Variants in TSPEAR observed in about 807,000 individuals in gnomAD.
TSPEAR encodes thrombospondin type laminin G domain and EAR repeats, also known as thrombospondin-type laminin G domain and EAR repeat-containing protein.
In TSPEAR, 69 loss-of-function variants were observed where a neutral mutation model predicts 71.6. The observed-to-expected ratio is 0.96, with a 90% CI of 0.79 to 1.18. The LOEUF is 1.18. Ranked by LOEUF, TSPEAR falls within the 50% of genes most tolerant of loss-of-function variation. TSPEAR has a pLI of 0.00. For synonymous variants in TSPEAR, 402 were observed against 387.2 expected, an observed-to-expected ratio of 1.04 and a Z score of -0.45; for missense variants, 971 against 894.9, an observed-to-expected ratio of 1.09 and a Z score of -1.09.
intron 2 of TSPEAR, among the ~76,000 whole-genome samples, chr21:44,545,011 T>G (rs1287574221): frequency 6.6e-6 from 1 of 150,912 alleles, no homozygotes; most frequent in African/African-American, 2.5e-5. Flanking sequence ...CAATGAGCCA[T>G]TCTCTGTAAT....
intron 1 of TSPEAR, among the ~76,000 whole-genome samples, chr21:44,597,093 C>G (rs9989939): frequency 0.092 from 13,942 of 152,092 alleles, 1,850 homozygotes; most frequent in African/African-American, 0.29. Context: ...TCATTATTGA[C>G]AGGTGTATTA....
Position 44,711,213 on chromosome 21 carries a change from C to T in TSPEAR, c.82+220G>A, listed in dbSNP as rs890461762. ...CCCACCCTGCGTGCGTTCTAAAGAG[C>T]CGCGTTTCTATTGCAACTGCCTGCC... On this transcript the variant is annotated intron_variant, in intron 1 of 11. Transcript: ENST00000323084. This position sits in a 1 kb window ranked among gnomAD's most constrained non-coding sequence, Gnocchi z 4.5. 2.0e-5 allele frequency among the ~76,000 whole-genome samples: 3 copies of T among 151,812 alleles called. No homozygotes were observed. Among genetic ancestry groups the T allele is most frequent in the Non-Finnish European group, 4.4e-5 (3 of 67,964 alleles).
intron 1 of TSPEAR, chr21:44,697,708 C>G: frequency 6.2e-7 from 1 of 1,612,762 alleles, no homozygotes; most frequent in Non-Finnish European, 8.5e-7. Flanking sequence ...GCTCTGGGGC[C>G]TCCTCTCTGT....
chr21:44,652,687 T>C (rs936904624), intron 1 of TSPEAR, among the ~76,000 whole-genome samples: 8 of 152,124 alleles, frequency 5.3e-5, no homozygotes, highest in African/African-American at 1.7e-4. Context: ...CTAAAGGAGA[T>C]TGAACACTGA....
intron 1 of TSPEAR, among the ~76,000 whole-genome samples, chr21:44,599,134 T>TTTTCTCTCTCTCTCTCTCTC (rs1980574952): frequency 1.1e-5 from 1 of 92,280 alleles, no homozygotes; most frequent in Non-Finnish European, 2.4e-5. Context: ...GGCCCCCATT[T>TTTTCTCTCTCTCTCTCTCTC]TCTCTCTCTC....
At chr21:44,667,599 G>A (rs1186984643) in intron 1 of TSPEAR, among the ~76,000 whole-genome samples, 1 of 152,204 alleles carries the variant, frequency 6.6e-6, no homozygotes, top group African/African-American at 2.4e-5. Flanking sequence ...TCCCAGGGAA[G>A]CATGTGAGGC....
At position 44,538,549 on chromosome 21, in the gene TSPEAR, GCC is replaced by G. The variant is rs782587652; in HGVS notation, c.304-4628_304-4627del. On this transcript the variant is annotated intron_variant, in intron 2 of 11. Coordinates refer to ENST00000323084, the MANE Select transcript of TSPEAR (RefSeq NM_144991.3). ...CCTTGTCTCCTGCGCAGGTGCAGCA[GCC>G]CCTCCCTCTCCCCTCGCATTGCTGC... Among the ~76,000 whole-genome samples the G allele has an allele frequency of 1.4e-4, 22 of 151,796 alleles. No individual in the cohort carries two copies. In the East Asian group the frequency reaches 2.1e-3, roughly 15 times the overall value.
At chr21:44,671,138 G>A (rs1486893259) in intron 1 of TSPEAR, among the ~76,000 whole-genome samples, 1 of 152,180 alleles carries the variant, frequency 6.6e-6, no homozygotes, top group Non-Finnish European at 1.5e-5. Flanking sequence ...CTGAGGATGT[G>A]CCCACCCAGC....
Position 44,499,542 on chromosome 21 carries a change from G to C in TSPEAR, c.*241C>G. 2.0e-6 allele frequency: 1 copy of C among 496,060 alleles called. No homozygotes were observed. Among genetic ancestry groups the C allele is most frequent in the Non-Finnish European group, 3.5e-6 (1 of 283,484 alleles). 30.7% of individuals were successfully genotyped at this position (496,060 alleles called of 1,614,324 possible). On this transcript the variant is annotated 3_prime_UTR_variant, in exon 12 of 12. Coordinates refer to ENST00000323084, the MANE Select transcript of TSPEAR (RefSeq NM_144991.3). Reference sequence around the variant, plus strand: ...CACTCAGATGGGCGAGCACTGGCAGGGGCTCTGGGCCTCTGCCTGCAAGAC... The same window carrying C: ...CACTCAGATGGGCGAGCACTGGCAGCGGCTCTGGGCCTCTGCCTGCAAGAC...
In TSPEAR at chr21:44,526,457, T is replaced by A. The variant is rs1399154978; in HGVS notation, c.1150-618A>T. 2.7e-5 allele frequency among the ~76,000 whole-genome samples: 4 copies of A among 150,832 alleles called. 1 individual carries two copies. Among genetic ancestry groups the A allele is most frequent in the Admixed American group, 2.6e-4 (4 of 15,238 alleles). On this transcript the variant is annotated intron_variant, in intron 7 of 11. Transcript: ENST00000323084. ...TTGTTCTTTGATGCAAAGTTTTTTT[T>A]ATAACAAAAAATTAAAACCTTATGA...
intron 1 of TSPEAR, chr21:44,666,863 C>G: frequency 6.2e-7 from 1 of 1,613,602 alleles, no homozygotes; most frequent in Non-Finnish European, 8.5e-7. Flanking sequence ...GCTGGCAGCC[C>G]GAGGAGCAGC....
chr21:44,559,024 T>C (rs1418532036), intron 2 of TSPEAR, among the ~76,000 whole-genome samples: 31 of 152,082 alleles, frequency 2.0e-4, no homozygotes, highest in Admixed American at 2.0e-3. Flanking sequence ...AATATATTGA[T>C]TGCATCAAAG....
intron 1 of TSPEAR, among the ~76,000 whole-genome samples, chr21:44,607,571 G>T (rs1981393095): frequency 6.6e-6 from 1 of 152,098 alleles, no homozygotes; most frequent in Non-Finnish European, 1.5e-5. Context: ...TCGGGAACGG[G>T]GTAAAAATGC....
intron 1 of TSPEAR, among the ~76,000 whole-genome samples, chr21:44,604,837 G>A (rs1201966409): frequency 6.6e-6 from 1 of 152,154 alleles, no homozygotes; most frequent in Non-Finnish European, 1.5e-5. Flanking sequence ...TGCATCTATT[G>A]GGGTGATCAT....
In TSPEAR at chr21:44,550,738, G is replaced by C. The variant is rs146792277; in HGVS notation, c.304-16815C>G. The C allele has an allele frequency of 1.7e-3, 2,812 of 1,614,106 alleles. 71 individuals carry two copies. The East Asian group carries it at 0.051, about 29-fold the overall frequency. On this transcript the variant is annotated intron_variant, in intron 2 of 11. Transcript: ENST00000323084. ...GAGGAAAAGCTGCAGGAGGCTGGGC[G>C]GGAGCACACGGGGCGGCAGAGGAGG...
Position 44,623,691 on chromosome 21 carries a change from T to C in TSPEAR, c.83-55686A>G, listed in dbSNP as rs1194986251. On this transcript the variant is annotated intron_variant, in intron 1 of 11. Coordinates refer to ENST00000323084, the MANE Select transcript of TSPEAR (RefSeq NM_144991.3). The surrounding 1 kb of genome is among the most constrained non-coding windows in gnomAD (Gnocchi z 4.5). ...GAGGATCTTCTTCCCAGGTGTAGAA[T>C]TCTAGCTTGGTGCTTCTTTTCTTTC... Among the ~76,000 whole-genome samples, 2 of 152,230 alleles carry C rather than the reference T, an allele frequency of 1.3e-5. No individual in the cohort carries two copies. The highest frequency in any genetic ancestry group is 6.5e-5 in the Admixed American group (1 of 15,292).
chr21:44,499,775 C>T lies in TSPEAR; in HGVS notation c.*8G>A. The T allele has an allele frequency of 1.9e-6, 3 of 1,554,296 alleles. No homozygotes were observed. The highest frequency in any genetic ancestry group is 2.6e-6 in the Non-Finnish European group (3 of 1,150,818). ...GGCCACCCCAGTTGCTGCCGGGCAG[C>T]CGCGGCCTCAGCGTGTCCTCAGCCG... On this transcript the variant is annotated 3_prime_UTR_variant, in exon 12 of 12. Coordinates refer to ENST00000323084, the MANE Select transcript of TSPEAR (RefSeq NM_144991.3).
At chr21:44,648,425 TA>T (rs1984569047) in intron 1 of TSPEAR, among the ~76,000 whole-genome samples, 1 of 152,212 alleles carries the variant, frequency 6.6e-6, no homozygotes, top group South Asian at 2.1e-4. Context: ...CGTGGACTCA[TA>T]AATCTCTCAG....
At chr21:44,645,274 A>C (rs1984250421) in intron 1 of TSPEAR, among the ~76,000 whole-genome samples, 1 of 152,206 alleles carries the variant, frequency 6.6e-6, no homozygotes, top group Non-Finnish European at 1.5e-5. Flanking sequence ...TGAAGAGACA[A>C]AAATAAAGCT....
Sources: allele counts gnomAD v4.1 joint callset (sites outside exome capture counted in the v4.1 genomes callset), GRCh38; gene constraint gnomAD v4.1.1; non-coding constraint Gnocchi (gnomAD v3.1); transcripts MANE v1.5; gene names NCBI Gene and HGNC (gene_info 2026-07-23, HGNC 2026-07-21).